Variants in FAM107B observed in about 807,000 individuals in gnomAD.
The protein encoded by FAM107B is protein FAM107B.
In FAM107B, 21 loss-of-function variants were observed where a neutral mutation model predicts 31.5. The observed-to-expected ratio is 0.67, with a 90% CI of 0.47 to 0.96. The LOEUF is 0.96. FAM107B is among the 40% of genes least tolerant of loss of function. The pLI is 0.00. For missense variants in FAM107B, 452 were observed against 377.1 expected, an observed-to-expected ratio of 1.20 and a Z score of -1.64; for synonymous variants, 157 against 141.5, an observed-to-expected ratio of 1.11 and a Z score of -0.78.
chr10:14,700,059 A>C (rs1855359047), intron 1 of FAM107B, among the ~76,000 whole-genome samples: 1 of 151,990 alleles, frequency 6.6e-6, no homozygotes, highest in African/African-American at 2.4e-5. Flanking sequence ...CAGCCTCCCG[A>C]GTAGCTGGGA....
At chr10:14,774,140 A>G in intron 1 of FAM107B, 113 bp downstream of exon 1, 1 of 1,332,452 alleles carries the variant, frequency 7.5e-7, no homozygotes, top group East Asian at 2.4e-5. Flanking sequence ...GAACGCCCGC[A>G]ATGCCTTATT....
At chr10:14,762,817 C>T (rs577868585) in intron 1 of FAM107B, among the ~76,000 whole-genome samples, 2 of 151,584 alleles carry the variant, frequency 1.3e-5, no homozygotes, top group East Asian at 3.9e-4. Context: ...GAACATGTCA[C>T]ATTCAAATGA....
intron 2 of FAM107B, chr10:14,602,378 T>G (rs903249193): frequency 6.6e-6 from 1 of 152,206 alleles, no homozygotes; most frequent in East Asian, 1.9e-4. Flanking sequence ...ATTTTGCATA[T>G]TAGAGAATTC....
chr10:14,580,693 T>TAA (rs919914074), intron 2 of FAM107B, among the ~76,000 whole-genome samples: 1 of 145,356 alleles, frequency 6.9e-6, no homozygotes, highest in African/African-American at 2.5e-5. Context: ...TGTGTTTTAT[T>TAA]AAAAAAAAAA....
In FAM107B at chr10:14,724,627, T is replaced by G. The variant is rs536622026; in HGVS notation, c.411+49626A>C. Among the ~76,000 whole-genome samples the G allele has an allele frequency of 5.3e-5, 8 of 152,266 alleles. No individual in the cohort carries two copies. In the East Asian group the frequency reaches 9.6e-4, roughly 18 times the overall value. On this transcript the variant is annotated intron_variant, in intron 1 of 4. Coordinates refer to ENST00000181796, the MANE Select transcript of FAM107B (RefSeq NM_031453.4). ...TTGTCTGGAGCAGGTGGTCACATTT[T>G]TATTTTCAGGAGGAGAGCGTTCCCT...
intron 2 of FAM107B, among the ~76,000 whole-genome samples, chr10:14,645,958 C>T (rs1853742128): frequency 6.6e-6 from 1 of 151,936 alleles, no homozygotes; most frequent in Non-Finnish European, 1.5e-5. Context: ...GGAAACAAGC[C>T]CTCGATTTAT....
chr10:14,718,994 C>A (rs1855846465), intron 1 of FAM107B, among the ~76,000 whole-genome samples: 1 of 152,130 alleles, frequency 6.6e-6, no homozygotes, highest in African/African-American at 2.4e-5. Flanking sequence ...ATAGGACAGT[C>A]CTGAGATTTT....
At chr10:14,685,936 G>A (rs1854973793) in intron 1 of FAM107B, among the ~76,000 whole-genome samples, 2 of 152,174 alleles carry the variant, frequency 1.3e-5, no homozygotes. Flanking sequence ...GTGGCAGCAG[G>A]CAAGAGGGAG....
chr10:14,751,896 A>C (rs1832834837), intron 1 of FAM107B, among the ~76,000 whole-genome samples: 1 of 152,152 alleles, frequency 6.6e-6, no homozygotes, highest in Admixed American at 6.5e-5. Flanking sequence ...GCTGGGAACA[A>C]GACCAGTGAG....
chr10:14,612,063 G>A (rs1852740951), intron 2 of FAM107B, among the ~76,000 whole-genome samples: 1 of 152,186 alleles, frequency 6.6e-6, no homozygotes, highest in African/African-American at 2.4e-5. Flanking sequence ...GTGCTCCCCA[G>A]GCTTGTCTGG....
At chr10:14,747,481 T>G (rs1352133588) in intron 1 of FAM107B, among the ~76,000 whole-genome samples, 1 of 152,198 alleles carries the variant, frequency 6.6e-6, no homozygotes, top group Admixed American at 6.5e-5. Context: ...TTGTAAGGAT[T>G]TTTTTGTTGA....
intron 1 of FAM107B, among the ~76,000 whole-genome samples, chr10:14,754,095 TGCCTG>T (rs1455577926): frequency 1.3e-5 from 2 of 152,110 alleles, no homozygotes. Context: ...TGTGCCACCA[TGCCTG>T]GCTAATTTTT....
chr10:14,720,896 C>G (rs979506653), intron 1 of FAM107B, among the ~76,000 whole-genome samples: 1 of 151,948 alleles, frequency 6.6e-6, no homozygotes, highest in Non-Finnish European at 1.5e-5. Context: ...GCACAATGTG[C>G]AGGTTTGTTA....
At chr10:14,643,324 A>G (rs1297843822) in intron 2 of FAM107B, among the ~76,000 whole-genome samples, 4 of 151,928 alleles carry the variant, frequency 2.6e-5, no homozygotes, top group Non-Finnish European at 5.9e-5. Context: ...TCCCAGCTCA[A>G]GCAGTCCGGC....
At chr10:14,636,698 G>A (rs530855359) in intron 2 of FAM107B, among the ~76,000 whole-genome samples, 7 of 152,230 alleles carry the variant, frequency 4.6e-5, no homozygotes, top group African/African-American at 9.6e-5. Context: ...TGAATTTTAG[G>A]GGGGGTGGGG....
chr10:14,703,297 T>A lies in FAM107B; in HGVS notation c.412-35606A>T, dbSNP rs115329073. On this transcript the variant is annotated intron_variant, in intron 1 of 4. Coordinates refer to ENST00000181796, the MANE Select transcript of FAM107B (RefSeq NM_031453.4). ...ATTTCCCTTTGCTCCTACAAAGTCT[T>A]CCTAAGTTTGTTTCCTTTTCCTTCT... Among the ~76,000 whole-genome samples, 1,434 of 151,962 alleles carry A rather than the reference T, an allele frequency of 9.4e-3. 27 individuals carry two copies. The highest frequency in any genetic ancestry group is 0.033 in the African/African-American group (1,372 of 41,440).
chr10:14,634,239 A>C (rs1018528725), intron 2 of FAM107B, among the ~76,000 whole-genome samples: 3 of 150,798 alleles, frequency 2.0e-5, no homozygotes, highest in African/African-American at 7.4e-5. Flanking sequence ...TACTAAAATT[A>C]CAAAAAAAAA....
At chr10:14,660,954 C>T (rs1418633251) in intron 2 of FAM107B, among the ~76,000 whole-genome samples, 1 of 152,142 alleles carries the variant, frequency 6.6e-6, no homozygotes, top group Non-Finnish European at 1.5e-5. Flanking sequence ...CAGGAGGTGA[C>T]TGGATCATGT....
chr10:14,774,104 T>A (rs762377373), intron 1 of FAM107B, 149 bp downstream of exon 1: 243 of 934,740 alleles, frequency 2.6e-4, no homozygotes, highest in Non-Finnish European at 2.5e-4. Context: ...TCTACACGGC[T>A]TTAACACACT....
Sources: allele counts gnomAD v4.1 joint callset (sites outside exome capture counted in the v4.1 genomes callset), GRCh38; gene constraint gnomAD v4.1.1; transcripts MANE v1.5; gene names NCBI Gene and HGNC (gene_info 2026-07-23, HGNC 2026-07-21).